LDLRAD3: variants seen among roughly 807,000 people sequenced by gnomAD.
LDLRAD3 encodes the protein low density lipoprotein receptor class A domain containing 3, also known as low-density lipoprotein receptor class A domain-containing protein 3.
A neutral mutation model predicts 29.4 loss-of-function variants in LDLRAD3; 20 were observed. The observed-to-expected ratio is 0.68, with a 90% confidence interval of 0.48 to 0.99. The LOEUF (loss-of-function observed/expected upper bound fraction) is 0.99, where lower values mean the gene tolerates loss of function less well. LDLRAD3 is among the 50% of genes least tolerant of loss of function. LDLRAD3 has a pLI of 0.00. For synonymous variants in LDLRAD3, 157 were observed against 192.7 expected (o/e 0.81, Z 1.53); for missense variants, 420 against 454.3 (o/e 0.92, Z 0.69).
rs185964456 is a variant in LDLRAD3, at chr11:36,149,431, C to G, written c.454+50970C>G. ...GAAAGAAAGTATCAGTATGCAGTCG[C>G]TAGAAAGGATAGGACAAAATAACCC... On this transcript the variant is annotated intron_variant, in intron 4 of 5. Transcript: ENST00000315571. 7.2e-4 allele frequency among the ~76,000 whole-genome samples: 110 copies of G among 152,254 alleles called. 1 individual carries two copies. The East Asian group carries it at 0.014, about 19-fold the overall frequency.
At chr11:36,027,222 C>G (rs117936252) in intron 1 of LDLRAD3, among the ~76,000 whole-genome samples, 2,571 of 152,222 alleles carry the variant, frequency 0.017, 26 homozygotes, top group Non-Finnish European at 0.022. Context: ...CCCTCTTGTT[C>G]CATTAATCAT....
intron 1 of LDLRAD3, among the ~76,000 whole-genome samples, chr11:35,965,527 A>G (rs1448064393): frequency 6.6e-6 from 1 of 152,182 alleles, no homozygotes; most frequent in Admixed American, 6.5e-5. Flanking sequence ...GTATGTGGGT[A>G]TTTAGGGTTT....
chr11:35,947,139 T>G (rs924861714), intron 1 of LDLRAD3, among the ~76,000 whole-genome samples: 3 of 152,218 alleles, frequency 2.0e-5, no homozygotes, highest in African/African-American at 7.2e-5. Flanking sequence ...AAAGTGGACT[T>G]GTATTGTCAC....
intron 2 of LDLRAD3, among the ~76,000 whole-genome samples, chr11:36,062,210 T>TA (rs1852711939): frequency 6.6e-6 from 1 of 152,202 alleles, no homozygotes; most frequent in African/African-American, 2.4e-5. Flanking sequence ...AATAACTTTA[T>TA]AGTCTTAACC....
intron 4 of LDLRAD3, among the ~76,000 whole-genome samples, chr11:36,224,030 G>A (rs139159303): frequency 2.2e-3 from 330 of 150,170 alleles, no homozygotes; most frequent in African/African-American, 7.8e-3. Flanking sequence ...CTTTAAAATG[G>A]TTACAGTGGT....
At chr11:36,211,041 T>C (rs1313485968) in intron 4 of LDLRAD3, among the ~76,000 whole-genome samples, 1 of 152,230 alleles carries the variant, frequency 6.6e-6, no homozygotes, top group Admixed American at 6.5e-5. Flanking sequence ...AAGCTGTGCA[T>C]CTCTAAGCTC....
At chr11:36,214,427 T>C (rs1405212192) in intron 4 of LDLRAD3, among the ~76,000 whole-genome samples, 2 of 152,168 alleles carry the variant, frequency 1.3e-5, no homozygotes, top group African/African-American at 4.8e-5. Flanking sequence ...TCTAGATGAT[T>C]CTGGGAAAGG....
chr11:36,166,514 A>G (rs1040813372), intron 4 of LDLRAD3, among the ~76,000 whole-genome samples: 1 of 152,210 alleles, frequency 6.6e-6, no homozygotes, highest in African/African-American at 2.4e-5. Flanking sequence ...TCTTTTGTCC[A>G]TTTGTTTGAC....
chr11:35,969,971 G>A (rs1028935356), intron 1 of LDLRAD3, among the ~76,000 whole-genome samples: 1 of 152,192 alleles, frequency 6.6e-6, no homozygotes, highest in African/African-American at 2.4e-5. Context: ...CTTGCTTGTG[G>A]TTTTTGTTTT....
chr11:36,082,621 A>ATTCGT lies in LDLRAD3; in HGVS notation c.319+845_319+846insCGTTT, dbSNP rs113662585. Among the ~76,000 whole-genome samples, 7 of 152,026 alleles carry ATTCGT rather than the reference A, an allele frequency of 4.6e-5. 1 individual carries two copies. In the South Asian group the frequency reaches 1.5e-3, roughly 32 times the overall value. The stretch of plus-strand genomic sequence containing the variant: ...GTCCTTCTTGACTGTGACCACCCTG[A>ATTCGT]TTTGTTTTACCTGCTGTATAATATT... On this transcript the variant is annotated intron_variant, in intron 3 of 5. Transcript: ENST00000315571.
intron 2 of LDLRAD3, among the ~76,000 whole-genome samples, chr11:36,069,325 T>G (rs541722260): frequency 6.6e-6 from 1 of 152,324 alleles, no homozygotes; most frequent in South Asian, 2.1e-4. Context: ...CAAGGCCTTC[T>G]TTGCTTTCTT....
At chr11:36,122,389 C>T (rs1228997115) in intron 4 of LDLRAD3, among the ~76,000 whole-genome samples, 1 of 152,102 alleles carries the variant, frequency 6.6e-6, no homozygotes, top group Non-Finnish European at 1.5e-5. Flanking sequence ...GAAGCCACCT[C>T]CCCAAGCCTC....
chr11:36,206,802 C>A (rs1351750758), intron 4 of LDLRAD3, among the ~76,000 whole-genome samples: 4 of 150,102 alleles, frequency 2.7e-5, no homozygotes, highest in Non-Finnish European at 5.9e-5. Context: ...TCTTGGCTCA[C>A]TTCAACCTCT....
At position 36,116,923 on chromosome 11, in the gene LDLRAD3, C is replaced by G. The variant is rs543931039; in HGVS notation, c.454+18462C>G. On this transcript the variant is annotated intron_variant, in intron 4 of 5. Transcript: ENST00000315571. The stretch of plus-strand genomic sequence containing the variant: ...GTAGCGCAATCTTGGGTCACTGCAA[C>G]CTCTGCCTCCCGGGTTCAACCAATT... Among the ~76,000 whole-genome samples the G allele has an allele frequency of 4.3e-4, 65 of 151,278 alleles. 2 individuals are homozygous for G. The highest frequency in any genetic ancestry group is 1.4e-3 in the African/African-American group (59 of 41,080).
intron 2 of LDLRAD3, among the ~76,000 whole-genome samples, chr11:36,071,607 C>A (rs1198630561): frequency 6.6e-6 from 1 of 152,202 alleles, no homozygotes; most frequent in Non-Finnish European, 1.5e-5. Flanking sequence ...GTAGCAAAAA[C>A]AGGTTTCAGG....
chr11:36,055,768 TC>T (rs749213080), intron 2 of LDLRAD3, among the ~76,000 whole-genome samples: 20 of 152,216 alleles, frequency 1.3e-4, no homozygotes, highest in Non-Finnish European at 2.2e-4. Context: ...AGTTTTCTCA[TC>T]TATAAAGTGG....
chr11:36,148,398 T>C (rs1279555257), intron 4 of LDLRAD3, among the ~76,000 whole-genome samples: 3 of 152,166 alleles, frequency 2.0e-5, no homozygotes, highest in Admixed American at 2.0e-4. Flanking sequence ...CTGGGGTGAC[T>C]GTAGGGGCAT....
At chr11:35,988,472 T>G (rs1019987651) in intron 1 of LDLRAD3, among the ~76,000 whole-genome samples, 1 of 152,240 alleles carries the variant, frequency 6.6e-6, no homozygotes, top group African/African-American at 2.4e-5. Flanking sequence ...TATTAGACAT[T>G]TGTGGGATGC....
At chr11:35,982,039 G>T (rs1216629463) in intron 1 of LDLRAD3, among the ~76,000 whole-genome samples, 1 of 152,152 alleles carries the variant, frequency 6.6e-6, no homozygotes, top group African/African-American at 2.4e-5. Flanking sequence ...CAAGTTGTGT[G>T]CCTGCACTCA....
Sources: allele counts gnomAD v4.1 joint callset (sites outside exome capture counted in the v4.1 genomes callset), GRCh38; gene constraint gnomAD v4.1.1; transcripts MANE v1.5; gene names NCBI Gene and HGNC (gene_info 2026-07-23, HGNC 2026-07-21).